The following HPSE2 variants were observed in gnomAD, a reference collection of about 807,000 sequenced individuals.
HPSE2 encodes the protein inactive heparanase-2.
A neutral mutation model predicts 60.5 loss-of-function variants in HPSE2; 38 were observed. That is an observed-to-expected ratio of 0.63 (90% CI 0.48 to 0.82). The LOEUF (loss-of-function observed/expected upper bound fraction) is 0.82. Among genes scored for constraint, HPSE2 ranks in the 40% least tolerant of loss-of-function variants. The probability of loss-of-function intolerance (pLI) is 0.00; values close to 1 mark genes in which losing one functional copy is unlikely to be tolerated. For missense variants in HPSE2, 713 were observed against 740.4 expected, an observed-to-expected ratio of 0.96 and a Z score of 0.43; for synonymous variants, 295 against 293.2, an observed-to-expected ratio of 1.01 and a Z score of -0.06.
At chr10:99,313,128 C>G in the HPSE2 span, among the ~76,000 whole-genome samples, 56 of 152,336 alleles carry the variant, frequency 3.7e-4, 2 homozygotes, top group South Asian at 0.011. Flanking sequence ...GGCTTTAAAT[C>G]TGGTAAACCT....
At chr10:98,577,563 GTCCTTGCTCT>G (rs1944676266) in intron 9 of HPSE2, among the ~76,000 whole-genome samples, 1 of 152,154 alleles carries the variant, frequency 6.6e-6, no homozygotes, top group Non-Finnish European at 1.5e-5. Context: ...ATCCCATTTT[GTCCTTGCTCT>G]TCTGAGGTGC....
intron 3 of HPSE2, among the ~76,000 whole-genome samples, chr10:98,937,983 T>A (rs1428353690): frequency 7.0e-6 from 1 of 143,818 alleles, no homozygotes; most frequent in African/African-American, 2.8e-5. Flanking sequence ...AAACAGGGTC[T>A]GGAGTGGACC....
chr10:98,576,068 C>G (rs533145554), intron 9 of HPSE2, among the ~76,000 whole-genome samples: 3 of 152,110 alleles, frequency 2.0e-5, no homozygotes, highest in South Asian at 4.2e-4. Context: ...CTGTTTCACT[C>G]TTTACTGAAG....
At chr10:98,677,935 T>G (rs1469812503) in intron 6 of HPSE2, among the ~76,000 whole-genome samples, 1 of 152,228 alleles carries the variant, frequency 6.6e-6, no homozygotes, top group Non-Finnish European at 1.5e-5. Flanking sequence ...ACTTATATTG[T>G]GGGATAATTC....
At chr10:99,025,111 C>T (rs1481932869) in intron 3 of HPSE2, among the ~76,000 whole-genome samples, 1 of 152,134 alleles carries the variant, frequency 6.6e-6, no homozygotes, top group Non-Finnish European at 1.5e-5. Context: ...ATAACTACAA[C>T]AACTTTTCAA....
chr10:98,880,070 A>C (rs1253278986), intron 3 of HPSE2, among the ~76,000 whole-genome samples: 2 of 151,936 alleles, frequency 1.3e-5, no homozygotes. Context: ...GTTTATTATA[A>C]TCTCTGTGAT....
intron 3 of HPSE2, among the ~76,000 whole-genome samples, chr10:99,081,822 G>C (rs377669764): frequency 2.0e-3 from 298 of 152,016 alleles, no homozygotes; most frequent in African/African-American, 6.9e-3. Context: ...ATTTTTAGTA[G>C]AGACAGGGTA....
chr10:98,740,644 A>G (rs576638731), intron 4 of HPSE2, among the ~76,000 whole-genome samples: 2 of 152,336 alleles, frequency 1.3e-5, no homozygotes, highest in East Asian at 1.9e-4. Flanking sequence ...AGAAGAAACA[A>G]TCACAGAAAC....
intron 9 of HPSE2, among the ~76,000 whole-genome samples, chr10:98,592,317 A>G (rs1387149254): frequency 1.3e-5 from 2 of 152,236 alleles, no homozygotes; most frequent in Non-Finnish European, 2.9e-5. Context: ...CTCAGGAATC[A>G]GAATAACCAG....
chr10:99,140,147 G>A (rs1438638785), intron 3 of HPSE2, among the ~76,000 whole-genome samples: 1 of 152,102 alleles, frequency 6.6e-6, no homozygotes. Context: ...TCACTGATTT[G>A]CACACTGTTG....
chr10:99,076,453 T>A (rs1842954451), intron 3 of HPSE2, among the ~76,000 whole-genome samples: 1 of 152,188 alleles, frequency 6.6e-6, no homozygotes, highest in Non-Finnish European at 1.5e-5. Context: ...AGTGGTGTGA[T>A]CTCAGCTCAC....
intron 9 of HPSE2, among the ~76,000 whole-genome samples, chr10:98,609,225 C>T (rs752172816): frequency 6.6e-6 from 1 of 152,180 alleles, no homozygotes; most frequent in Non-Finnish European, 1.5e-5. Flanking sequence ...CACTATAGGG[C>T]TTCTGTTACA....
intron 3 of HPSE2, among the ~76,000 whole-genome samples, chr10:99,007,847 G>C (rs566179431): frequency 4.3e-4 from 66 of 152,266 alleles, no homozygotes; most frequent in African/African-American, 1.5e-3. Flanking sequence ...CCTTACCCAG[G>C]TCCAACCAGT....
intron 3 of HPSE2, among the ~76,000 whole-genome samples, chr10:99,115,481 G>T (rs1255644010): frequency 1.8e-4 from 27 of 151,498 alleles, no homozygotes; most frequent in African/African-American, 6.6e-4. Flanking sequence ...TTTTTGTAGA[G>T]ACAGGGCTTT....
At chr10:98,745,588 T>A (rs1949610366) in intron 3 of HPSE2, among the ~76,000 whole-genome samples, 1 of 152,216 alleles carries the variant, frequency 6.6e-6, no homozygotes, top group Admixed American at 6.5e-5. Flanking sequence ...AGTTTATTTG[T>A]TAGAGAACTC....
intron 9 of HPSE2, among the ~76,000 whole-genome samples, chr10:98,559,420 C>G (rs182573635): frequency 2.0e-5 from 3 of 152,218 alleles, no homozygotes; most frequent in Admixed American, 1.3e-4. Flanking sequence ...CTATTCTCCC[C>G]CTGCCCCAAC....
At chr10:98,849,916 G>A (rs1422497406) in intron 3 of HPSE2, among the ~76,000 whole-genome samples, 1 of 151,940 alleles carries the variant, frequency 6.6e-6, no homozygotes, top group African/African-American at 2.4e-5. Context: ...GGCTAATTTT[G>A]TATTTTTAGT....
At chr10:98,586,305 T>C (rs72831918) in intron 9 of HPSE2, among the ~76,000 whole-genome samples, 3,290 of 152,214 alleles carry the variant, frequency 0.022, 61 homozygotes, top group Non-Finnish European at 0.029. Flanking sequence ...AGTGCTCTTT[T>C]CCCTCTTACC....
intron 7 of HPSE2, among the ~76,000 whole-genome samples, chr10:98,641,317 C>A (rs1018164516): frequency 2.6e-5 from 4 of 152,036 alleles, no homozygotes; most frequent in African/African-American, 9.7e-5. Context: ...TCAGGCACAG[C>A]GGCTCACACC....
Sources: gnomAD v4.1 joint callset for allele counts (sites outside exome capture counted in the v4.1 genomes callset) on GRCh38, gnomAD v4.1.1 for gene constraint, MANE v1.5 for transcripts, NCBI Gene and HGNC (gene_info 2026-07-23, HGNC 2026-07-21) for gene names.